WASF1: variants seen among roughly 807,000 people sequenced by gnomAD.
WASF1 encodes WASP family member 1.
Under a neutral mutation model 50.5 loss-of-function variants are expected in WASF1, and 7 were observed. That is an observed-to-expected ratio of 0.14 (90% confidence interval 0.08 to 0.26). The LOEUF is 0.26. Ranked by LOEUF, WASF1 falls within the 10% of genes least tolerant of loss-of-function variation. WASF1 has a pLI of 1.00. For synonymous variants in WASF1, 205 were observed against 244.0 expected, an observed-to-expected ratio of 0.84 and a Z score of 1.49; for missense variants, 470 against 694.7, an observed-to-expected ratio of 0.68 and a Z score of 3.64.
chr6:110,129,379 T>C (rs1173116656), intron 3 of WASF1, among the ~76,000 whole-genome samples: 5 of 152,170 alleles, frequency 3.3e-5, no homozygotes, highest in African/African-American at 1.2e-4. Flanking sequence ...ACAGATGAAG[T>C]AGCTGACTGT....
chr6:110,145,209 C>T (rs1165460621), intron 3 of WASF1, among the ~76,000 whole-genome samples: 1 of 152,074 alleles, frequency 6.6e-6, no homozygotes, highest in Non-Finnish European at 1.5e-5. Context: ...GTATTTTATT[C>T]TCTTTGAAGC....
chr6:110,117,404 G>C (rs1773862207), intron 4 of WASF1, among the ~76,000 whole-genome samples: 1 of 152,072 alleles, frequency 6.6e-6, no homozygotes, highest in Non-Finnish European at 1.5e-5. Flanking sequence ...GTGGAAGAAA[G>C]AATATCAGTG....
At position 110,149,009 on chromosome 6, in the gene WASF1, G is replaced by A. The variant is rs944592614; in HGVS notation, c.-29+11626C>T. Among the ~76,000 whole-genome samples the A allele has an allele frequency of 7.2e-5, 11 of 152,136 alleles. No homozygotes were observed. In the South Asian group the frequency reaches 8.3e-4, roughly 11 times the overall value. On this transcript the variant is annotated intron_variant, in intron 3 of 10. Transcript: ENST00000392589. ...AAGCAGATCAATTATATCAATATAT[G>A]ACTCCCTATCCACAAAGTCTATGGG...
At chr6:110,159,473 C>T (rs1776171900) in intron 3 of WASF1, among the ~76,000 whole-genome samples, 1 of 149,966 alleles carries the variant, frequency 6.7e-6, no homozygotes, top group African/African-American at 2.5e-5. Context: ...ATTTTTTCCA[C>T]ACCTTTACTT....
At chr6:110,163,998 G>A (rs1316189832) in intron 2 of WASF1, among the ~76,000 whole-genome samples, 2 of 151,464 alleles carry the variant, frequency 1.3e-5, no homozygotes, top group South Asian at 2.1e-4. Context: ...GGAATTGGAC[G>A]TCCACATGCA....
chr6:110,160,618 T>C lies in WASF1; in HGVS notation c.-29+17A>G, dbSNP rs1776224425. ...TATCAGGAGTTGCCATTGAGATACA[T>C]TACTTCTTAATTTTACCTTGAAGAT... On this transcript the variant is annotated intron_variant, in intron 3 of 10. Coordinates refer to ENST00000392589, the MANE Select transcript of WASF1 (RefSeq NM_003931.3). 6.6e-6 allele frequency: 1 copy of C among 151,794 alleles called. No individual in the cohort carries two copies. Among genetic ancestry groups the C allele is most frequent in the Non-Finnish European group, 1.5e-5 (1 of 67,780 alleles). The allele number at this position is 151,794 out of a possible 1,614,324, so 9.4% of individuals were successfully genotyped here.
intron 5 of WASF1, among the ~76,000 whole-genome samples, chr6:110,110,369 A>T (rs1307074821): frequency 6.6e-6 from 1 of 152,190 alleles, no homozygotes; most frequent in African/African-American, 2.4e-5. Context: ...CTCCTGCCAG[A>T]AGTGGGTTGT....
intron 6 of WASF1, among the ~76,000 whole-genome samples, chr6:110,107,904 C>T (rs746277165): frequency 1.8e-4 from 28 of 152,052 alleles, no homozygotes; most frequent in Non-Finnish European, 2.9e-4. Flanking sequence ...CAGTGGCTCA[C>T]GCCTGTAATC....
intron 2 of WASF1, among the ~76,000 whole-genome samples, chr6:110,172,288 G>A (rs551285824): frequency 2.6e-5 from 4 of 152,056 alleles, no homozygotes; most frequent in Admixed American, 6.5e-5. Context: ...CAACCCAAAT[G>A]TCCATCAATG....
chr6:110,106,422 T>G (rs1296580513), intron 7 of WASF1, among the ~76,000 whole-genome samples: 1 of 152,226 alleles, frequency 6.6e-6, no homozygotes, highest in Admixed American at 6.5e-5. Context: ...AAAGCAGAGA[T>G]AGCTACAGGA....
At chr6:110,173,762 G>A (rs1776812647) in intron 2 of WASF1, among the ~76,000 whole-genome samples, 1 of 152,176 alleles carries the variant, frequency 6.6e-6, no homozygotes, top group African/African-American at 2.4e-5. Flanking sequence ...CAAGAAACAA[G>A]GCCATTAACA....
chr6:110,141,709 C>T (rs1439538700), intron 3 of WASF1, among the ~76,000 whole-genome samples: 1 of 151,582 alleles, frequency 6.6e-6, no homozygotes, highest in South Asian at 2.1e-4. Flanking sequence ...AAATCATGAG[C>T]TTTAAGGAAG....
chr6:110,102,044 G>A lies in WASF1; in HGVS notation c.1066C>T (p.Pro356Ser). ...STPPPPVPPP[P>S]PPPATALQAP... ...TGCAAAGCAGTGGCTGGAGGTGGAG[G>A]TGGGGGAGGTACTGGAGGGGGAGGA... Residue 356 changes from proline to serine, a missense_variant, in exon 10 of 11, where the codon CCT (proline) becomes TCT (serine). Coordinates refer to ENST00000392589, the MANE Select transcript of WASF1 (RefSeq NM_003931.3). 6.5e-7 allele frequency: 1 copy of A among 1,531,264 alleles called. No homozygotes were observed. The highest frequency in any genetic ancestry group is 1.4e-5 in the African/African-American group (1 of 72,272). The allele number at this position is 1,531,264 out of a possible 1,614,324, so 94.9% of individuals were successfully genotyped here.
chr6:110,127,331 T>A, intron 4 of WASF1, 138 bp downstream of exon 4: 1 of 653,504 alleles, frequency 1.5e-6, no homozygotes, highest in Non-Finnish European at 2.3e-6. Flanking sequence ...ATTATACTCA[T>A]GTGACTATAT....
intron 3 of WASF1, among the ~76,000 whole-genome samples, chr6:110,149,536 A>T (rs1775734722): frequency 6.6e-6 from 1 of 151,824 alleles, no homozygotes; most frequent in South Asian, 2.1e-4. Context: ...AAAAGAAAAG[A>T]ATCTTAACCT....
chr6:110,125,477 T>A (rs552600755), intron 4 of WASF1, among the ~76,000 whole-genome samples: 6 of 152,296 alleles, frequency 3.9e-5, no homozygotes, highest in African/African-American at 1.4e-4. Context: ...GGAAACCACA[T>A]CATCAAATCT....
intron 3 of WASF1, among the ~76,000 whole-genome samples, chr6:110,155,161 C>T (rs1776005249): frequency 6.6e-6 from 1 of 151,966 alleles, no homozygotes. Context: ...TATAGATTTA[C>T]TTAATCTATA....
At position 110,108,685 on chromosome 6, in the gene WASF1, A is replaced by C. The variant is rs768854996; in HGVS notation, c.269-4T>G. ...ATTGTTATATCTTGCAAAGACACTA[A>C]AACAAAAATCAAGAATTCATTTTAT... On this transcript the variant is annotated splice_polypyrimidine_tract_variant and splice_region_variant and intron_variant, in intron 5 of 10. Coordinates refer to ENST00000392589, the MANE Select transcript of WASF1 (RefSeq NM_003931.3). 14 of 1,608,172 alleles carry C rather than the reference A, an allele frequency of 8.7e-6. No individual in the cohort carries two copies. In the East Asian group the frequency reaches 2.9e-4, roughly 33 times the overall value.
intron 4 of WASF1, among the ~76,000 whole-genome samples, chr6:110,114,794 G>A (rs985890531): frequency 6.7e-6 from 1 of 150,258 alleles, no homozygotes; most frequent in African/African-American, 2.5e-5. Flanking sequence ...CATGTATGCT[G>A]CTTGAAAAAA....
Sources: allele counts gnomAD v4.1 joint callset (sites outside exome capture counted in the v4.1 genomes callset), GRCh38; gene constraint gnomAD v4.1.1; transcripts MANE v1.5; gene names NCBI Gene and HGNC (gene_info 2026-07-23, HGNC 2026-07-21).